Variants in SAMD12 observed in about 807,000 individuals in gnomAD.
The protein encoded by SAMD12 is sterile alpha motif domain-containing protein 12.
A neutral mutation model predicts 15.0 loss-of-function variants in SAMD12; 9 were observed. That is an observed-to-expected ratio of 0.60 (90% CI 0.36 to 1.05). The LOEUF (loss-of-function observed/expected upper bound fraction) is 1.05. SAMD12 is among the 50% of genes least tolerant of loss of function. The pLI is 0.01. For synonymous variants in SAMD12, 86 were observed against 90.1 expected (o/e 0.96, Z 0.25); for missense variants, 230 against 234.2 (o/e 0.98, Z 0.12).
intron 2 of SAMD12, among the ~76,000 whole-genome samples, chr8:118,477,084 G>A (rs1234628407): frequency 8.1e-6 from 1 of 123,670 alleles, no homozygotes. Flanking sequence ...TTTTTTTTTT[G>A]AGTTGGAGTC....
chr8:118,219,753 G>A (rs1435366971), intron 4 of SAMD12, among the ~76,000 whole-genome samples: 5 of 152,200 alleles, frequency 3.3e-5, no homozygotes, highest in Admixed American at 3.3e-4. Context: ...AGCCATCCCT[G>A]CCAAGGCACC....
rs1819793810 is a variant in SAMD12 at position 118,383,700 on chromosome 8, C to G, written c.323-4000G>C. 2.6e-5 allele frequency among the ~76,000 whole-genome samples: 4 copies of G among 152,270 alleles called. 1 individual carries two copies. The South Asian group carries it at 8.3e-4, about 32-fold the overall frequency. ...ACTTGTTATAACAGTAATTAGGTGA[C>G]CTGGGCTGCTGGGCCCTTCACCAAC... On this transcript the variant is annotated intron_variant, in intron 3 of 3. Transcript: ENST00000314727.
chr8:118,526,966 G>C (rs765786558), intron 2 of SAMD12, among the ~76,000 whole-genome samples: 4 of 152,150 alleles, frequency 2.6e-5, no homozygotes, highest in Non-Finnish European at 5.9e-5. Context: ...ACTCACTGAA[G>C]ACATCCAAAT....
At chr8:118,494,143 T>G (rs952520085) in intron 2 of SAMD12, among the ~76,000 whole-genome samples, 6 of 152,142 alleles carry the variant, frequency 3.9e-5, no homozygotes, top group Admixed American at 1.3e-4. Context: ...GATGCCATGT[T>G]GCTGGCTCTG....
chr8:118,520,363 T>C (rs1324690308), intron 2 of SAMD12, among the ~76,000 whole-genome samples: 2 of 152,134 alleles, frequency 1.3e-5, no homozygotes, highest in African/African-American at 2.4e-5. Flanking sequence ...TGGTAAGAGA[T>C]CATACTGTAC....
intron 3 of SAMD12, among the ~76,000 whole-genome samples, chr8:118,382,537 TA>T (rs1399062192): frequency 6.6e-6 from 1 of 152,248 alleles, no homozygotes; most frequent in Admixed American, 6.5e-5. Flanking sequence ...GCATTGGGTT[TA>T]AATATATGAG....
chr8:118,135,831 G>A, the SAMD12 span, among the ~76,000 whole-genome samples: 2 of 152,140 alleles, frequency 1.3e-5, no homozygotes, highest in Non-Finnish European at 2.9e-5. Flanking sequence ...TTACAGGCGT[G>A]AGCCACCATG....
At chr8:118,353,730 G>A (rs533147161) in intron 4 of SAMD12, among the ~76,000 whole-genome samples, 5 of 151,266 alleles carry the variant, frequency 3.3e-5, no homozygotes, top group Non-Finnish European at 7.4e-5. Flanking sequence ...CCCCTCCCTC[G>A]CTATCCATTC....
intron 2 of SAMD12, among the ~76,000 whole-genome samples, chr8:118,487,959 C>T (rs1434788516): frequency 6.6e-6 from 1 of 152,098 alleles, no homozygotes; most frequent in Non-Finnish European, 1.5e-5. Context: ...ATTGTTACCC[C>T]ACAACAGCGA....
chr8:118,261,917 G>A (rs1239523261), intron 4 of SAMD12, among the ~76,000 whole-genome samples: 1 of 151,372 alleles, frequency 6.6e-6, no homozygotes, highest in African/African-American at 2.4e-5. Flanking sequence ...GTCAAGATAG[G>A]GAATCAACCT....
At chr8:118,582,472 C>T (rs962257300) in intron 1 of SAMD12, among the ~76,000 whole-genome samples, 7 of 152,144 alleles carry the variant, frequency 4.6e-5, no homozygotes, top group South Asian at 4.1e-4. Flanking sequence ...TCCAAATGCA[C>T]GTGATCTTAT....
chr8:118,139,737 A>G, the SAMD12 span, among the ~76,000 whole-genome samples: 1 of 152,218 alleles, frequency 6.6e-6, no homozygotes, highest in East Asian at 1.9e-4. Context: ...AATAATAAAG[A>G]TAATGTCACA....
chr8:118,477,907 C>T (rs951982213), intron 2 of SAMD12, among the ~76,000 whole-genome samples: 3 of 149,426 alleles, frequency 2.0e-5, no homozygotes, highest in East Asian at 2.0e-4. Context: ...CCCGGCTACT[C>T]GGAGACTGAG....
At chr8:118,317,184 A>T (rs1815961374) in intron 4 of SAMD12, among the ~76,000 whole-genome samples, 1 of 152,150 alleles carries the variant, frequency 6.6e-6, no homozygotes, top group African/African-American at 2.4e-5. Context: ...AATCCCCAGA[A>T]TTGTAAGAAA....
chr8:118,228,855 C>G (rs1304223405), intron 4 of SAMD12, among the ~76,000 whole-genome samples: 1 of 152,168 alleles, frequency 6.6e-6, no homozygotes, highest in Non-Finnish European at 1.5e-5. Context: ...TATAGCAGCA[C>G]AATTCACAAT....
chr8:118,482,737 G>T (rs566207198), intron 2 of SAMD12, among the ~76,000 whole-genome samples: 1 of 152,098 alleles, frequency 6.6e-6, no homozygotes, highest in African/African-American at 2.4e-5. Flanking sequence ...ATGACTGTAC[G>T]TATTTTATTG....
intron 2 of SAMD12, among the ~76,000 whole-genome samples, chr8:118,476,317 A>T (rs1421095088): frequency 1.3e-5 from 2 of 152,186 alleles, no homozygotes; most frequent in African/African-American, 4.8e-5. Flanking sequence ...ATAAGAGAAG[A>T]TTCTCATCTT....
chr8:118,404,535 T>C (rs559207418), intron 3 of SAMD12, among the ~76,000 whole-genome samples: 2 of 152,368 alleles, frequency 1.3e-5, no homozygotes, highest in Admixed American at 6.5e-5. Flanking sequence ...AATGCAGTCA[T>C]CATAGATTGA....
At chr8:118,403,184 C>A (rs531981989) in intron 3 of SAMD12, among the ~76,000 whole-genome samples, 52 of 152,302 alleles carry the variant, frequency 3.4e-4, no homozygotes, top group African/African-American at 1.1e-3. Flanking sequence ...TCTTCAAATT[C>A]AAGAGTATTT....
Sources: allele counts gnomAD v4.1 joint callset (sites outside exome capture counted in the v4.1 genomes callset), GRCh38; gene constraint gnomAD v4.1.1; transcripts MANE v1.5; gene names NCBI Gene and HGNC (gene_info 2026-07-23, HGNC 2026-07-21).